MTHFD1L: variants seen among roughly 807,000 people sequenced by gnomAD.
MTHFD1L encodes the protein methylenetetrahydrofolate dehydrogenase (NADP+ dependent) 1 like, also known as monofunctional C1-tetrahydrofolate synthase, mitochondrial.
Under a neutral mutation model 119.5 loss-of-function variants are expected in MTHFD1L, and 81 were observed. That is an observed-to-expected ratio of 0.68 (90% CI 0.57 to 0.82). The LOEUF (loss-of-function observed/expected upper bound fraction) is 0.82. Ranked by LOEUF, MTHFD1L falls within the 40% of genes least tolerant of loss-of-function variation. MTHFD1L has a pLI of 0.00. For synonymous variants in MTHFD1L, 430 were observed against 475.2 expected (o/e 0.90, Z 1.24); for missense variants, 1,125 against 1,253.4 (o/e 0.90, Z 1.55).
intron 8 of MTHFD1L, among the ~76,000 whole-genome samples, chr6:150,916,725 T>C (rs1442558643): frequency 7.2e-6 from 1 of 139,850 alleles, no homozygotes; most frequent in South Asian, 2.3e-4. Flanking sequence ...TGATGGAAAA[T>C]TGATTCTATC....
chr6:151,045,971 T>C (rs1204706683), intron 26 of MTHFD1L, among the ~76,000 whole-genome samples: 2 of 152,204 alleles, frequency 1.3e-5, no homozygotes, highest in Non-Finnish European at 2.9e-5. Context: ...AGCGTCGTTC[T>C]CAATTTCCAG....
At chr6:150,918,220 C>A (rs1322153022) in intron 8 of MTHFD1L, among the ~76,000 whole-genome samples, 3 of 152,084 alleles carry the variant, frequency 2.0e-5, no homozygotes, top group Non-Finnish European at 4.4e-5. Context: ...TACACGCCAC[C>A]ATGTCCAGCT....
At chr6:151,034,395 G>A in intron 24 of MTHFD1L, 98 bp from the exon 25 acceptor site, 6 of 814,978 alleles carry the variant, frequency 7.4e-6, no homozygotes. Flanking sequence ...CTCTGATAAG[G>A]GAATTTTAAG....
intron 20 of MTHFD1L, among the ~76,000 whole-genome samples, chr6:150,976,111 AATCGCTT>A (rs1468431601): frequency 6.6e-6 from 1 of 152,144 alleles, no homozygotes; most frequent in Non-Finnish European, 1.5e-5. Context: ...GAGGCAGGAG[AATCGCTT>A]GAACCCCAGG....
chr6:150,916,500 G>GTTTTTT (rs1491386770), intron 8 of MTHFD1L, among the ~76,000 whole-genome samples: 1 of 51,020 alleles, frequency 2.0e-5, no homozygotes. Flanking sequence ...TTTTTTTTTT[G>GTTTTTT]GTATTTTTAG....
intron 26 of MTHFD1L, among the ~76,000 whole-genome samples, chr6:151,068,047 G>C (rs4869977): frequency 0.82 from 125,417 of 152,270 alleles, 51,816 homozygotes; most frequent in East Asian, 0.93. Flanking sequence ...TCGGGCACTG[G>C]TACATGAAAG....
At chr6:150,930,929 T>C (rs1233897465) in intron 11 of MTHFD1L, among the ~76,000 whole-genome samples, 1 of 152,260 alleles carries the variant, frequency 6.6e-6, no homozygotes, top group African/African-American at 2.4e-5. Context: ...GCATGGTATT[T>C]ACACCTACAC....
At position 151,036,951 on chromosome 6, in the gene MTHFD1L, T is replaced by A; in HGVS notation, c.2695-14T>A. On this transcript the variant is annotated splice_polypyrimidine_tract_variant and intron_variant, in intron 25 of 27. Transcript: ENST00000367321. ...ATCTGTATCAGTGAACACATTTTCT[T>A]TCCTTTCTCACAGGGTTTTGGAAAT... 6.2e-7 allele frequency: 1 copy of A among 1,611,886 alleles called. No individual in the cohort carries two copies. Among genetic ancestry groups the A allele is most frequent in the Non-Finnish European group, 8.5e-7 (1 of 1,179,746 alleles).
At chr6:150,878,257 CT>C (rs199525112) in intron 4 of MTHFD1L, among the ~76,000 whole-genome samples, 46 of 147,288 alleles carry the variant, frequency 3.1e-4, no homozygotes, top group Middle Eastern at 3.5e-3. Context: ...CTCTCTCTCT[CT>C]TTTTTTTTTT....
Position 150,903,052 on chromosome 6 carries a change from A to G in MTHFD1L, c.781-2598A>G, listed in dbSNP as rs556295379. ...GTACTATATATAAATGAAGAAATAA[A>G]ATTTTTTATACAGATGTTTAAAATC... On this transcript the variant is annotated intron_variant, in intron 7 of 27. Coordinates refer to ENST00000367321, the MANE Select transcript of MTHFD1L (RefSeq NM_015440.5). Among the ~76,000 whole-genome samples the G allele has an allele frequency of 3.0e-4, 45 of 152,154 alleles. No homozygotes were observed. In the East Asian group the frequency reaches 5.0e-3, roughly 17 times the overall value.
intron 8 of MTHFD1L, among the ~76,000 whole-genome samples, chr6:150,907,256 A>C (rs1010540276): frequency 6.6e-6 from 1 of 152,222 alleles, no homozygotes; most frequent in Non-Finnish European, 1.5e-5. Context: ...GTTATATGAC[A>C]GTGACATATA....
At chr6:150,909,709 CT>C (rs1236901747) in intron 8 of MTHFD1L, among the ~76,000 whole-genome samples, 1 of 152,198 alleles carries the variant, frequency 6.6e-6, no homozygotes, top group Non-Finnish European at 1.5e-5. Flanking sequence ...CCGTCTTAGG[CT>C]CAGAAAACAG....
chr6:150,979,917 C>T (rs1777199925), intron 20 of MTHFD1L, among the ~76,000 whole-genome samples: 1 of 151,654 alleles, frequency 6.6e-6, no homozygotes, highest in African/African-American at 2.4e-5. Context: ...CTAAATATTC[C>T]ATCATTTTGG....
At chr6:151,046,236 A>G (rs1483148326) in intron 26 of MTHFD1L, among the ~76,000 whole-genome samples, 1 of 152,022 alleles carries the variant, frequency 6.6e-6, no homozygotes, top group Non-Finnish European at 1.5e-5. Flanking sequence ...ATTCACTGCT[A>G]TTAATCCCTG....
chr6:151,040,479 G>C (rs1449473747), intron 26 of MTHFD1L, among the ~76,000 whole-genome samples: 1 of 151,070 alleles, frequency 6.6e-6, no homozygotes, highest in Non-Finnish European at 1.5e-5. Flanking sequence ...TGGAAGCCAA[G>C]GTAGAAGGAT....
At chr6:151,041,267 A>C (rs1399906259) in intron 26 of MTHFD1L, among the ~76,000 whole-genome samples, 1 of 152,194 alleles carries the variant, frequency 6.6e-6, no homozygotes, top group Non-Finnish European at 1.5e-5. Flanking sequence ...GGATCTCCTA[A>C]TAAGGACTGG....
At chr6:151,091,157 G>T (rs1211522890) in intron 26 of MTHFD1L, among the ~76,000 whole-genome samples, 3 of 149,632 alleles carry the variant, frequency 2.0e-5, no homozygotes, top group Non-Finnish European at 4.4e-5. Context: ...CCATGTGACT[G>T]GGTGCAGCAT....
At position 151,013,915 on chromosome 6, in the gene MTHFD1L, A is replaced by G. The variant is rs1201387171; in HGVS notation, c.2307+95A>G. ...ATGAGCCCTCCTTCAGTGGCCTCTTAGAAAAGTGCTGTTCTGTCCGGGCGC... is the reference window on the plus strand; with the variant it reads ...ATGAGCCCTCCTTCAGTGGCCTCTTGGAAAAGTGCTGTTCTGTCCGGGCGC... On this transcript the variant is annotated intron_variant, in intron 22 of 27. Coordinates refer to ENST00000367321, the MANE Select transcript of MTHFD1L (RefSeq NM_015440.5). The G allele has an allele frequency of 4.5e-6, 5 of 1,111,338 alleles. No homozygotes were observed. The Admixed American group carries it at 5.9e-5, about 13-fold the overall frequency. 68.8% of individuals were successfully genotyped at this position (1,111,338 alleles called of 1,614,324 possible).
chr6:150,872,481 G>C (rs998328789), intron 1 of MTHFD1L, among the ~76,000 whole-genome samples: 1 of 152,102 alleles, frequency 6.6e-6, no homozygotes, highest in African/African-American at 2.4e-5. Flanking sequence ...GAGAGAGAAG[G>C]GGGAACAGCC....
Sources: gnomAD v4.1 joint callset for allele counts (sites outside exome capture counted in the v4.1 genomes callset) on GRCh38, gnomAD v4.1.1 for gene constraint, MANE v1.5 for transcripts, NCBI Gene and HGNC (gene_info 2026-07-23, HGNC 2026-07-21) for gene names.